The following EPHB1 variants were observed in gnomAD, a reference collection of about 807,000 sequenced individuals.
EPHB1 encodes the protein ephrin type-B receptor 1.
In EPHB1, 30 loss-of-function variants were observed where a neutral mutation model predicts 94.4. The ratio of observed to expected loss-of-function variants is 0.32; its 90% CI spans 0.24 to 0.43. The LOEUF (loss-of-function observed/expected upper bound fraction) is 0.43. Among genes scored for constraint, EPHB1 ranks in the 20% least tolerant of loss-of-function variants. The pLI is 1.00. For synonymous variants in EPHB1, 522 were observed against 489.1 expected (o/e 1.07, Z -0.89); for missense variants, 1,055 against 1,308.3 (o/e 0.81, Z 2.99).
chr3:134,982,769 G>A (rs1238018536), intron 3 of EPHB1, among the ~76,000 whole-genome samples: 1 of 152,008 alleles, frequency 6.6e-6, no homozygotes, highest in Non-Finnish European at 1.5e-5. Flanking sequence ...GCTTTTAAAG[G>A]TCACTCTCTG....
chr3:135,237,446 A>G (rs1943683133), intron 12 of EPHB1, among the ~76,000 whole-genome samples: 1 of 152,136 alleles, frequency 6.6e-6, no homozygotes, highest in South Asian at 2.1e-4. Context: ...GAAGGTGTGT[A>G]TGAAGTCTTG....
At chr3:135,096,020 C>T (rs902884027) in intron 3 of EPHB1, among the ~76,000 whole-genome samples, 3 of 152,214 alleles carry the variant, frequency 2.0e-5, no homozygotes, top group African/African-American at 7.2e-5. Flanking sequence ...ACGTGGGGAA[C>T]ATCTTTGTGT....
At chr3:135,084,227 G>T (rs1478757039) in intron 3 of EPHB1, among the ~76,000 whole-genome samples, 1 of 152,150 alleles carries the variant, frequency 6.6e-6, no homozygotes, top group African/African-American at 2.4e-5. Context: ...TGATGGAGAT[G>T]CCCTGCACGC....
intron 12 of EPHB1, among the ~76,000 whole-genome samples, chr3:135,223,200 A>G (rs1943314220): frequency 6.6e-6 from 1 of 152,166 alleles, no homozygotes; most frequent in African/African-American, 2.4e-5. Context: ...CACCCATTAT[A>G]TATGAGTCTG....
intron 1 of EPHB1, among the ~76,000 whole-genome samples, chr3:134,892,354 C>T (rs2107685832): frequency 6.6e-6 from 1 of 152,298 alleles, no homozygotes; most frequent in South Asian, 2.1e-4. Flanking sequence ...TGACTTTGGC[C>T]CGGCAAAAGG....
chr3:135,040,444 A>G (rs1936796163), intron 3 of EPHB1, among the ~76,000 whole-genome samples: 1 of 152,204 alleles, frequency 6.6e-6, no homozygotes, highest in South Asian at 2.1e-4. Context: ...GACCTGCAGC[A>G]TTGGGAGGGA....
intron 4 of EPHB1, among the ~76,000 whole-genome samples, chr3:135,107,513 T>A (rs745816101): frequency 2.0e-5 from 3 of 152,338 alleles, no homozygotes; most frequent in Non-Finnish European, 2.9e-5. Flanking sequence ...CAGGTTAGCC[T>A]CTAATGTGTT....
chr3:134,860,789 G>A (rs964569210), intron 1 of EPHB1, among the ~76,000 whole-genome samples: 2 of 131,850 alleles, frequency 1.5e-5, no homozygotes, highest in African/African-American at 5.8e-5. Flanking sequence ...CTCCAGCCTG[G>A]CCAGGTGACA....
At chr3:135,062,649 T>C (rs1937530569) in intron 3 of EPHB1, among the ~76,000 whole-genome samples, 1 of 152,278 alleles carries the variant, frequency 6.6e-6, no homozygotes, top group African/African-American at 2.4e-5. Context: ...CTGTTTACTC[T>C]GCTGACTGTT....
intron 2 of EPHB1, among the ~76,000 whole-genome samples, chr3:134,945,146 C>T (rs1287399923): frequency 6.6e-6 from 1 of 152,194 alleles, no homozygotes; most frequent in Non-Finnish European, 1.5e-5. Flanking sequence ...GGGATATTAA[C>T]ACTTTATCTG....
chr3:134,832,097 A>G (rs1397589417), intron 1 of EPHB1, among the ~76,000 whole-genome samples: 2 of 152,246 alleles, frequency 1.3e-5, no homozygotes, highest in Non-Finnish European at 2.9e-5. Flanking sequence ...TTAAGCACAA[A>G]ATATTGTGTG....
intron 3 of EPHB1, among the ~76,000 whole-genome samples, chr3:135,001,874 A>G (rs945729361): frequency 1.3e-5 from 2 of 152,226 alleles, no homozygotes; most frequent in Non-Finnish European, 2.9e-5. Context: ...CTAGTCTCCT[A>G]TTAATAGTTG....
At chr3:135,034,943 G>A (rs1936600167) in intron 3 of EPHB1, among the ~76,000 whole-genome samples, 1 of 152,248 alleles carries the variant, frequency 6.6e-6, no homozygotes, top group Non-Finnish European at 1.5e-5. Context: ...GTCATCTGGA[G>A]CTGAAGAAGG....
intron 3 of EPHB1, among the ~76,000 whole-genome samples, chr3:135,018,325 C>T (rs1935870998): frequency 6.6e-6 from 1 of 152,078 alleles, no homozygotes; most frequent in South Asian, 2.1e-4. Context: ...GAGCTGACTT[C>T]CTGGGGGCTT....
chr3:135,039,593 C>T (rs372033245), intron 3 of EPHB1, among the ~76,000 whole-genome samples: 14 of 152,240 alleles, frequency 9.2e-5, no homozygotes, highest in South Asian at 2.1e-4. Flanking sequence ...CAGCTAAGGC[C>T]CGGCGAGAAA....
intron 3 of EPHB1, among the ~76,000 whole-genome samples, chr3:135,054,072 T>C (rs112184627): frequency 0.051 from 6,877 of 133,600 alleles, 212 homozygotes; most frequent in East Asian, 0.15. Flanking sequence ...CACACACACA[T>C]AGCATTATTT....
intron 1 of EPHB1, among the ~76,000 whole-genome samples, chr3:134,836,191 A>G (rs1285117869): frequency 6.6e-6 from 1 of 152,222 alleles, no homozygotes; most frequent in East Asian, 1.9e-4. Flanking sequence ...GCATCCCTTC[A>G]AGGCACAATT....
intron 5 of EPHB1, among the ~76,000 whole-genome samples, chr3:135,143,197 A>G (rs1940888159): frequency 6.6e-6 from 1 of 151,944 alleles, no homozygotes; most frequent in South Asian, 2.1e-4. Context: ...GTCAGTGGGA[A>G]AGTCAGAATC....
chr3:135,175,771 T>C (rs1345095901), intron 9 of EPHB1, among the ~76,000 whole-genome samples: 1 of 152,226 alleles, frequency 6.6e-6, no homozygotes, highest in Non-Finnish European at 1.5e-5. Context: ...TCTGATATTA[T>C]TATTACTGCC....
Sources: allele counts gnomAD v4.1 joint callset (sites outside exome capture counted in the v4.1 genomes callset), GRCh38; gene constraint gnomAD v4.1.1; transcripts MANE v1.5; gene names NCBI Gene and HGNC (gene_info 2026-07-23, HGNC 2026-07-21).